Variants in PDCD11 observed in about 807,000 individuals in gnomAD.
PDCD11 encodes programmed cell death 11, also known as protein RRP5 homolog.
In PDCD11, 97 loss-of-function variants were observed where a neutral mutation model predicts 198.9. The observed-to-expected ratio is 0.49, with a 90% confidence interval of 0.41 to 0.58. The LOEUF is 0.58. PDCD11 is among the 20% of genes least tolerant of loss of function. PDCD11 has a pLI of 0.00. For missense variants in PDCD11, 2,102 were observed against 2,312.7 expected (o/e 0.91, Z 1.87); for synonymous variants, 893 against 918.0 (o/e 0.97, Z 0.49).
At chr10:103,418,929 A>G (rs1393683183) in intron 15 of PDCD11, among the ~76,000 whole-genome samples, 2 of 150,852 alleles carry the variant, frequency 1.3e-5, no homozygotes, top group Non-Finnish European at 2.9e-5. Flanking sequence ...TGGGGCTTTC[A>G]GTGCCTGCCC....
At chr10:103,420,734 C>T (rs1218760865) in intron 16 of PDCD11, among the ~76,000 whole-genome samples, 1 of 152,166 alleles carries the variant, frequency 6.6e-6, no homozygotes, top group Non-Finnish European at 1.5e-5. Context: ...AGAAACAAGC[C>T]CAGTGAGGGG....
intron 3 of PDCD11, among the ~76,000 whole-genome samples, chr10:103,402,891 G>T (rs1395728122): frequency 6.6e-6 from 1 of 151,964 alleles, no homozygotes; most frequent in Non-Finnish European, 1.5e-5. Context: ...GTACCACTAT[G>T]CCTGGCTAAT....
chr10:103,442,137 CT>C, intron 31 of PDCD11, 75 bp from the exon 32 acceptor site: 1 of 1,584,294 alleles, frequency 6.3e-7, no homozygotes, highest in Non-Finnish European at 8.6e-7. Flanking sequence ...GCCCAGCCAA[CT>C]CGTGACTTCC....
intron 19 of PDCD11, 38 bp downstream of exon 19, chr10:103,423,696 A>G (rs751836610): frequency 7.4e-7 from 1 of 1,347,198 alleles, no homozygotes; most frequent in Non-Finnish European, 1.1e-6. Flanking sequence ...ATGGTTTCAC[A>G]TGATGTACCC....
At chr10:103,442,165 A>C (rs2032411891) in intron 31 of PDCD11, 48 bp from the exon 32 acceptor site, 1 of 1,606,182 alleles carries the variant, frequency 6.2e-7, no homozygotes, top group Non-Finnish European at 8.5e-7. Context: ...GACCTCCCCT[A>C]GGCCTTGAGG....
intron 15 of PDCD11, 129 bp from the exon 16 acceptor site, chr10:103,419,409 A>C (rs897955715): frequency 9.9e-6 from 10 of 1,005,200 alleles, no homozygotes; most frequent in Non-Finnish European, 1.5e-5. Flanking sequence ...GCTGGTCTGC[A>C]CACTTAGAGA....
chr10:103,426,780 C>T (rs895661159), intron 20 of PDCD11, among the ~76,000 whole-genome samples: 6 of 145,752 alleles, frequency 4.1e-5, no homozygotes, highest in South Asian at 2.2e-4. Flanking sequence ...AGTGAGACTC[C>T]GTTTCAAAAA....
intron 25 of PDCD11, among the ~76,000 whole-genome samples, chr10:103,436,536 CCCAGCCACCA>C (rs1247564936): frequency 2.0e-5 from 3 of 152,206 alleles, no homozygotes; most frequent in Non-Finnish European, 2.9e-5. Context: ...TCTCAGCTGT[CCCAGCCACCA>C]GCACCTACCT....
intron 8 of PDCD11, among the ~76,000 whole-genome samples, chr10:103,411,445 A>C (rs1443537073): frequency 6.6e-6 from 1 of 152,206 alleles, no homozygotes; most frequent in Non-Finnish European, 1.5e-5. Flanking sequence ...GGTTAATTGC[A>C]ACCTCAACCT....
At chr10:103,429,056 G>A (rs1221553113) in intron 21 of PDCD11, among the ~76,000 whole-genome samples, 1 of 152,178 alleles carries the variant, frequency 6.6e-6, no homozygotes, top group Non-Finnish European at 1.5e-5. Context: ...TGACAGTTTT[G>A]ACTTAACGGA....
chr10:103,443,045 G>A (rs2032455230), intron 32 of PDCD11, 120 bp from the exon 33 acceptor site: 3 of 799,198 alleles, frequency 3.8e-6, no homozygotes, highest in South Asian at 4.4e-5. Flanking sequence ...TACATTTGGG[G>A]TGGGATCTGA....
At chr10:103,405,695 C>T (rs1238127720) in intron 5 of PDCD11, among the ~76,000 whole-genome samples, 3 of 152,120 alleles carry the variant, frequency 2.0e-5, no homozygotes, top group Admixed American at 6.5e-5. Flanking sequence ...TGTGCCCTGC[C>T]GAAAGTTTGC....
chr10:103,441,938 C>T lies in PDCD11; in HGVS notation c.4670C>T (p.Ser1557Leu), dbSNP rs1291347697. Residue 1557 changes from serine (S) to leucine (L), a missense_variant, in exon 31 of 36, where the codon TCA (serine) becomes TTA (leucine). Coordinates refer to ENST00000369797, the MANE Select transcript of PDCD11 (RefSeq NM_014976.2). ...TPALPPLAES[S>L]DSEEDEKPHQ... ...GCCTTGCCACCTCTAGCAGAGAGCT[C>T]AGACAGCGAGGAGGATGAGAAGCCA... 9 of 1,614,102 alleles carry T rather than the reference C, an allele frequency of 5.6e-6. No individual in the cohort carries two copies. The highest frequency in any genetic ancestry group is 7.6e-6 in the Non-Finnish European group (9 of 1,180,048).
At chr10:103,412,802 T>C (rs1264464119) in intron 8 of PDCD11, among the ~76,000 whole-genome samples, 1 of 152,220 alleles carries the variant, frequency 6.6e-6, no homozygotes, top group Non-Finnish European at 1.5e-5. Context: ...TTTCACTATG[T>C]GCGCAGGCTG....
At chr10:103,427,507 G>A in intron 21 of PDCD11, 116 bp downstream of exon 21, 1 of 843,242 alleles carries the variant, frequency 1.2e-6, no homozygotes, top group Admixed American at 2.6e-5. Flanking sequence ...GCCTTTCTCT[G>A]TCCAAGTTTT....
intron 27 of PDCD11, among the ~76,000 whole-genome samples, chr10:103,439,347 A>G (rs918751066): frequency 9.2e-5 from 14 of 152,206 alleles, no homozygotes; most frequent in Admixed American, 9.2e-4. Flanking sequence ...GTCTAAAAAA[A>G]TTAAATTTAA....
rs2030956223 is a variant in PDCD11 at position 103,414,026 on chromosome 10, A to G, written c.1246A>G (p.Thr416Ala). 6.2e-7 allele frequency: 1 copy of G among 1,613,662 alleles called. No individual in the cohort carries two copies. The change falls in exon 10 of 36, where the codon ACT (threonine) becomes GCT (alanine). Residue 416 changes from threonine (T) to alanine (A), a missense_variant. Transcript: ENST00000369797. Reference protein sequence around the residue: ...FNPEAFKPGNTHKCRIIDYSQ... With the variant: ...FNPEAFKPGNAHKCRIIDYSQ... ...TCCTGAGGCCTTCAAGCCAGGGAAC[A>G]CTCACAAGTGTAGAATTATTGACTA...
chr10:103,409,945 T>C, intron 8 of PDCD11, 139 bp downstream of exon 8: 1 of 656,964 alleles, frequency 1.5e-6, no homozygotes, highest in Non-Finnish European at 2.7e-6. Context: ...TAATGAAAAG[T>C]GTTATGGAGG....
chr10:103,400,585 ATGTT>A (rs1347893331), intron 3 of PDCD11, 57 bp downstream of exon 3: 3 of 1,536,718 alleles, frequency 2.0e-6, no homozygotes, highest in Non-Finnish European at 2.6e-6. Context: ...AAGTTTGTGT[ATGTT>A]CTTTTTTTCT....
Sources: gnomAD v4.1 joint callset for allele counts (sites outside exome capture counted in the v4.1 genomes callset) on GRCh38, gnomAD v4.1.1 for gene constraint, MANE v1.5 for transcripts, NCBI Gene and HGNC (gene_info 2026-07-23, HGNC 2026-07-21) for gene names.